The following SUN1 variants were observed in gnomAD, a reference collection of about 807,000 sequenced individuals.
SUN1 encodes Sad1 and UNC84 domain containing 1.
In SUN1, 61 loss-of-function variants were observed where a neutral mutation model predicts 103.2. The observed-to-expected ratio is 0.59, with a 90% CI of 0.48 to 0.73. The LOEUF is 0.73. Among genes scored for constraint, SUN1 ranks in the 30% least tolerant of loss-of-function variants. SUN1 has a pLI of 0.00. For missense variants in SUN1, 1,052 were observed against 1,034.6 expected, an observed-to-expected ratio of 1.02 and a Z score of -0.23; for synonymous variants, 490 against 425.7, an observed-to-expected ratio of 1.15 and a Z score of -1.86.
At chr7:849,694 C>T (rs1013050554) in intron 5 of SUN1, 87 of 1,379,040 alleles carry the variant, frequency 6.3e-5, no homozygotes, top group Non-Finnish European at 8.6e-5. Flanking sequence ...GAATGAACGG[C>T]CCGTGTGACA....
In SUN1 at chr7:843,296, G is replaced by A. The variant is rs754273668; in HGVS notation, c.479-45G>A. ...AAATAGAAGTTTTAGTTAAATATCT[G>A]CAGACTGTGATAAACAGGTTCCATC... On this transcript the variant is annotated intron_variant, in intron 4 of 18. Transcript: ENST00000401592. 4.4e-6 allele frequency: 7 copies of A among 1,604,878 alleles called. No individual in the cohort carries two copies. The South Asian group carries it at 7.9e-5, about 18-fold the overall frequency.
intron 5 of SUN1, chr7:850,075 C>T (rs964781910): frequency 1.7e-5 from 25 of 1,504,562 alleles, no homozygotes; most frequent in Non-Finnish European, 2.2e-5. Flanking sequence ...GCCCTGTCAC[C>T]ATGCTATTTG....
At chr7:827,582 G>A (rs1038072235), upstream of SUN1, among the ~76,000 whole-genome samples, 8 of 148,266 alleles carry the variant, frequency 5.4e-5, no homozygotes, top group African/African-American at 1.8e-4. Flanking sequence ...CCATTCTCCC[G>A]CCTCAGCCTC....
rs778427452 is a variant in SUN1, at chr7:842,005, G to A, written c.326G>A (p.Arg109Lys). Residue 109 changes from arginine to lysine, a missense_variant, in exon 3 of 19, where the codon AGG becomes AAG. Physicochemically the swap from Arg to Lys is conservative, Grantham distance 26. This residue lies in a region of SUN1 where 846 missense variants were observed against 774.5 expected (regional missense o/e 1.09). Coordinates refer to ENST00000401592, the MANE Select transcript of SUN1 (RefSeq NM_001130965.3). ...GCTTTTAGTATCAACCACGTGTCAAGGCAGGTCACGTCCTCTGGCGTCAGC... is the reference window on the plus strand; with the variant it reads ...GCTTTTAGTATCAACCACGTGTCAAAGCAGGTCACGTCCTCTGGCGTCAGC... ...KSAFSINHVS[R>K]QVTSSGVSHG... 2.5e-6 allele frequency: 4 copies of A among 1,614,162 alleles called. No individual in the cohort carries two copies. In the South Asian group the frequency reaches 4.4e-5, roughly 18 times the overall value.
chr7:831,433 G>A (rs1236669999), upstream of SUN1, among the ~76,000 whole-genome samples: 3 of 152,048 alleles, frequency 2.0e-5, no homozygotes, highest in Non-Finnish European at 4.4e-5. Context: ...CACCACGCCT[G>A]GCTAATTTTT....
intron 1 of SUN1, among the ~76,000 whole-genome samples, chr7:825,171 G>C (rs1015196475): frequency 6.6e-6 from 1 of 151,984 alleles, no homozygotes; most frequent in East Asian, 1.9e-4. Context: ...CCATTCTCCT[G>C]CCTCAGCCTC....
intron 10 of SUN1, among the ~76,000 whole-genome samples, chr7:854,018 C>A (rs544319272): frequency 1.3e-5 from 2 of 152,206 alleles, no homozygotes; most frequent in South Asian, 2.1e-4. Flanking sequence ...CCCAGACGCA[C>A]TTCTCGGAGG....
Position 857,813 on chromosome 7 carries a change from A to T in SUN1, c.1395-15A>T, listed in dbSNP as rs1009195401. On this transcript the variant is annotated splice_polypyrimidine_tract_variant and intron_variant, in intron 12 of 18. Transcript: ENST00000401592. ...GGAGGCTTGTGTGTGACCCATTCTC[A>T]CTGTTGGATTCCAGTGCGGTTGGTG... The T allele has an allele frequency of 1.3e-6, 2 of 1,566,260 alleles. No individual in the cohort carries two copies. The highest frequency in any genetic ancestry group is 1.7e-6 in the Non-Finnish European group (2 of 1,149,518).
intron 1 of SUN1, among the ~76,000 whole-genome samples, chr7:826,549 T>C (rs914147893): frequency 1.3e-5 from 2 of 152,128 alleles, no homozygotes; most frequent in African/African-American, 2.4e-5. Flanking sequence ...CAGATGGCGC[T>C]CTGGGAGGAG....
rs540000373 is a variant in SUN1 at position 862,298 on chromosome 7, C to CT, written c.1864+835dup. ...AGAGCCTGCAGGGCAGGAGAGATTT[C>CT]TAAAACCCACGATGATGTAGGGCTG... On this transcript the variant is annotated intron_variant, in intron 15 of 18. Coordinates refer to ENST00000401592, the MANE Select transcript of SUN1 (RefSeq NM_001130965.3). Among the ~76,000 whole-genome samples, 18 of 152,328 alleles carry CT rather than the reference C, an allele frequency of 1.2e-4. No homozygotes were observed. The South Asian group carries it at 3.3e-3, about 28-fold the overall frequency.
chr7:838,545 G>A (rs535636728), intron 1 of SUN1, among the ~76,000 whole-genome samples: 8 of 152,294 alleles, frequency 5.3e-5, no homozygotes, highest in Non-Finnish European at 8.8e-5. Flanking sequence ...AGTTGTAGAC[G>A]CTGGGCCCCA....
intron 1 of SUN1, chr7:832,813 G>A (rs537512742): frequency 1.9e-5 from 10 of 535,442 alleles, no homozygotes; most frequent in African/African-American, 1.7e-4. Context: ...GTGACTGGGT[G>A]GTTAGTCATC....
chr7:870,887 CTT>C lies in SUN1; in HGVS notation c.2148+1390_2148+1391del, dbSNP rs59711259. 1.9e-3 allele frequency among the ~76,000 whole-genome samples: 187 copies of C among 101,052 alleles called. 1 individual carries two copies. Among genetic ancestry groups the C allele is most frequent in the Admixed American group, 0.013 (116 of 8,972 alleles). The allele number at this position is 101,052 out of a possible 152,430, so 66.3% of individuals were successfully genotyped here. ...CTAGCATTTTCTTTTTATTTTCTTT[CTT>C]TTTTTTTTTTTTTTTTTTGAGACGG... is the stretch of plus-strand genomic sequence containing the variant. On this transcript the variant is annotated intron_variant, in intron 17 of 18. Coordinates refer to ENST00000401592, the MANE Select transcript of SUN1 (RefSeq NM_001130965.3).
chr7:824,577 C>T (rs886434618), intron 1 of SUN1, among the ~76,000 whole-genome samples: 10 of 152,180 alleles, frequency 6.6e-5, no homozygotes, highest in South Asian at 2.1e-4. Context: ...TGATGACCAC[C>T]GTTCTGTAAG....
At position 853,397 on chromosome 7, in the gene SUN1, T is replaced by C; in HGVS notation, c.1054-12T>C. 1 of 1,613,058 alleles carries C rather than the reference T, an allele frequency of 6.2e-7. No individual in the cohort carries two copies. Among genetic ancestry groups the C allele is most frequent in the South Asian group, 1.1e-5 (1 of 91,078 alleles). On this transcript the variant is annotated splice_polypyrimidine_tract_variant and intron_variant, in intron 9 of 18. Transcript: ENST00000401592. ...TTGACTACCTGGTTTCATTTCTCTC[T>C]TGCCATTTCAGGGTGACAGTGAGGC... is the stretch of plus-strand genomic sequence containing the variant.
intron 1 of SUN1, chr7:817,370 C>T: frequency 6.6e-7 from 1 of 1,523,830 alleles, no homozygotes; most frequent in Middle Eastern, 2.2e-4. Context: ...GCGTGGTCTC[C>T]GCGCCCTGTT....
chr7:826,463 G>A (rs556309957), intron 1 of SUN1, among the ~76,000 whole-genome samples: 1 of 152,354 alleles, frequency 6.6e-6, no homozygotes, highest in South Asian at 2.1e-4. Flanking sequence ...GGGTGGAGCA[G>A]GCGTCCACTG....
At chr7:856,476 T>C (rs1161339998) in intron 12 of SUN1, 75 bp downstream of exon 12, 6 of 1,565,072 alleles carry the variant, frequency 3.8e-6, no homozygotes, top group East Asian at 4.5e-5. Context: ...AGCAGAGTGA[T>C]GAATGGGGGA....
At chr7:817,612 A>G (rs1782010779) in intron 1 of SUN1, 2 of 1,287,972 alleles carry the variant, frequency 1.6e-6, no homozygotes, top group South Asian at 1.4e-5. Context: ...AGCTTCAGTC[A>G]TAGTATTGCC....
Sources: allele counts gnomAD v4.1 joint callset (sites outside exome capture counted in the v4.1 genomes callset), GRCh38; gene constraint gnomAD v4.1.1; regional missense constraint gnomAD v4.1.1; transcripts MANE v1.5; gene names NCBI Gene and HGNC (gene_info 2026-07-23, HGNC 2026-07-21).